Variants in ITGBL1 observed in about 807,000 individuals in gnomAD.
ITGBL1 encodes integrin beta-like protein 1.
A neutral mutation model predicts 68.5 loss-of-function variants in ITGBL1; 51 were observed. The observed-to-expected ratio is 0.74, with a 90% CI of 0.59 to 0.94. The LOEUF (loss-of-function observed/expected upper bound fraction) is 0.94, where lower values mean the gene tolerates loss of function less well. Ranked by LOEUF, ITGBL1 falls within the 40% of genes least tolerant of loss-of-function variation. The pLI is 0.00. For synonymous variants in ITGBL1, 209 were observed against 227.3 expected (o/e 0.92, Z 0.72); for missense variants, 649 against 647.4 (o/e 1.00, Z -0.03).
chr13:101,627,619 C>T (rs1216455390), intron 7 of ITGBL1, among the ~76,000 whole-genome samples: 3 of 152,252 alleles, frequency 2.0e-5, no homozygotes, highest in African/African-American at 7.2e-5. Flanking sequence ...CACCTGTTCA[C>T]CCCTCTCTCC....
At chr13:101,671,426 G>GTTTTTGTTTTT (rs2033357937) in intron 7 of ITGBL1, among the ~76,000 whole-genome samples, 1 of 112,640 alleles carries the variant, frequency 8.9e-6, no homozygotes. Flanking sequence ...GTATACCTTT[G>GTTTTTGTTTTT]TTTTTTTTTT....
intron 2 of ITGBL1, among the ~76,000 whole-genome samples, chr13:101,506,542 C>T (rs1170359552): frequency 6.6e-6 from 1 of 152,104 alleles, no homozygotes; most frequent in Non-Finnish European, 1.5e-5. Flanking sequence ...AATGGGCAAT[C>T]AGGGCACAGC....
chr13:101,615,006 CA>C (rs1403235089), intron 7 of ITGBL1, among the ~76,000 whole-genome samples: 1 of 152,090 alleles, frequency 6.6e-6, no homozygotes, highest in African/African-American at 2.4e-5. Flanking sequence ...TGGCTGAAAA[CA>C]ACAGAAATTT....
intron 2 of ITGBL1, among the ~76,000 whole-genome samples, chr13:101,481,085 C>CACACACATAT (rs71121196): frequency 2.0e-5 from 3 of 149,006 alleles, no homozygotes; most frequent in South Asian, 2.1e-4. Flanking sequence ...TATATACACA[C>CACACACATAT]ATATATATAC....
chr13:101,689,211 T>TAAAAAAAAAAAAAAAAAAAG (rs2033825606), intron 7 of ITGBL1, among the ~76,000 whole-genome samples: 1 of 74,868 alleles, frequency 1.3e-5, no homozygotes, highest in African/African-American at 4.7e-5. Flanking sequence ...AGACTCTGCC[T>TAAAAAAAAAAAAAAAAAAAG]AAAAAAAAAA....
rs59500595 is a variant in ITGBL1, at chr13:101,683,360, A to C, written c.1016-9225A>C. The stretch of plus-strand genomic sequence containing the variant: ...CATTGTTTTATGACTGAGTTCTCGC[A>C]CTCTACATTATGTTCTTGAGACTCA... On this transcript the variant is annotated intron_variant, in intron 7 of 10. Transcript: ENST00000376180. Among the ~76,000 whole-genome samples, 902 of 152,034 alleles carry C rather than the reference A, an allele frequency of 5.9e-3. 8 individuals are homozygous for C. Among genetic ancestry groups the C allele is most frequent in the African/African-American group, 0.02 (826 of 41,516 alleles).
At chr13:101,603,189 C>T (rs906368232) in intron 7 of ITGBL1, among the ~76,000 whole-genome samples, 3 of 151,954 alleles carry the variant, frequency 2.0e-5, no homozygotes, top group African/African-American at 7.2e-5. Context: ...TTACATTCCA[C>T]CAGCAGCGTG....
intron 7 of ITGBL1, among the ~76,000 whole-genome samples, chr13:101,671,738 A>T (rs1029755405): frequency 6.6e-6 from 1 of 152,128 alleles, no homozygotes; most frequent in African/African-American, 2.4e-5. Context: ...GCGCCCGGCC[A>T]AAAGTATACC....
At chr13:101,608,597 A>G (rs1293699582) in intron 7 of ITGBL1, among the ~76,000 whole-genome samples, 2 of 152,058 alleles carry the variant, frequency 1.3e-5, no homozygotes, top group Non-Finnish European at 2.9e-5. Flanking sequence ...CCATCTTATC[A>G]TAAGTTTGCT....
At chr13:101,494,600 T>C (rs1177093933) in intron 2 of ITGBL1, among the ~76,000 whole-genome samples, 4 of 152,222 alleles carry the variant, frequency 2.6e-5, no homozygotes, top group African/African-American at 9.6e-5. Flanking sequence ...GAAAATGCTA[T>C]ACATATGATG....
chr13:101,501,112 G>A (rs576457629), intron 2 of ITGBL1, among the ~76,000 whole-genome samples: 27 of 152,328 alleles, frequency 1.8e-4, no homozygotes, highest in African/African-American at 6.3e-4. Flanking sequence ...TTGATGGGTG[G>A]TTCACCTTTT....
intron 2 of ITGBL1, among the ~76,000 whole-genome samples, chr13:101,548,424 T>C (rs1048002719): frequency 6.6e-6 from 1 of 151,860 alleles, no homozygotes; most frequent in African/African-American, 2.4e-5. Context: ...TCTACAGAGA[T>C]TGAAAAGCTA....
intron 8 of ITGBL1, among the ~76,000 whole-genome samples, chr13:101,693,666 C>CT (rs1555367213): frequency 1.4e-5 from 2 of 139,232 alleles, no homozygotes; most frequent in African/African-American, 5.3e-5. Flanking sequence ...ATCTATCTAT[C>CT]ATCTATTATC....
intron 2 of ITGBL1, among the ~76,000 whole-genome samples, chr13:101,522,534 A>G (rs957592146): frequency 6.6e-6 from 1 of 152,146 alleles, no homozygotes; most frequent in East Asian, 1.9e-4. Context: ...ATAAACATGA[A>G]CTGCTTTGTG....
chr13:101,689,211 T>TAAAAAAAAAAAAAAAAAAAAAAAAAGAAA (rs34627046), intron 7 of ITGBL1, among the ~76,000 whole-genome samples: 1 of 74,868 alleles, frequency 1.3e-5, no homozygotes, highest in Non-Finnish European at 2.6e-5. Context: ...AGACTCTGCC[T>TAAAAAAAAAAAAAAAAAAAAAAAAAGAAA]AAAAAAAAAA....
At chr13:101,575,620 T>G in intron 4 of ITGBL1, 74 bp downstream of exon 4, 2 of 1,453,170 alleles carry the variant, frequency 1.4e-6, no homozygotes, top group Non-Finnish European at 1.9e-6. Flanking sequence ...CTTTTATCTC[T>G]ACATAAGTTT....
At chr13:101,620,875 T>C (rs1216942271) in intron 7 of ITGBL1, among the ~76,000 whole-genome samples, 1 of 152,180 alleles carries the variant, frequency 6.6e-6, no homozygotes, top group Non-Finnish European at 1.5e-5. Flanking sequence ...ATGGTAAATG[T>C]GCCTGTCTCT....
At chr13:101,598,041 T>C in intron 6 of ITGBL1, 112 bp from the exon 7 acceptor site, 1 of 984,488 alleles carries the variant, frequency 1.0e-6, no homozygotes, top group Non-Finnish European at 1.5e-6. Context: ...TATGTTATAT[T>C]ATGTTCATCA....
chr13:101,505,075 C>T (rs1449956164), intron 2 of ITGBL1, among the ~76,000 whole-genome samples: 1 of 151,952 alleles, frequency 6.6e-6, no homozygotes, highest in Non-Finnish European at 1.5e-5. Context: ...TCAAGCCTCC[C>T]TACTTATTTA....
Sources: gnomAD v4.1 joint callset for allele counts (sites outside exome capture counted in the v4.1 genomes callset) on GRCh38, gnomAD v4.1.1 for gene constraint, MANE v1.5 for transcripts, NCBI Gene and HGNC (gene_info 2026-07-23, HGNC 2026-07-21) for gene names.